The following SRGAP2C variants were observed in gnomAD, a reference collection of about 807,000 sequenced individuals.
The protein encoded by SRGAP2C is SLIT-ROBO Rho GTPase activating protein 2C, also known as SLIT-ROBO Rho GTPase-activating protein 2C.
Under a neutral mutation model 25.1 loss-of-function variants are expected in SRGAP2C, and 15 were observed. The observed-to-expected ratio is 0.60, with a 90% confidence interval of 0.40 to 0.92. The LOEUF is 0.92. Among genes scored for constraint, SRGAP2C ranks in the 40% least tolerant of loss-of-function variants. The probability of loss-of-function intolerance (pLI) is 0.00; values close to 1 mark genes in which losing one functional copy is unlikely to be tolerated. For missense variants in SRGAP2C, 144 were observed against 264.4 expected, an observed-to-expected ratio of 0.54 and a Z score of 3.16; for synonymous variants, 44 against 96.6, an observed-to-expected ratio of 0.46 and a Z score of 3.19.
Position 121,387,946 on chromosome 1 carries a change from A to G in SRGAP2C, c.*91A>G. 1 of 777,784 alleles carries G rather than the reference A, an allele frequency of 1.3e-6. No individual in the cohort carries two copies. Among genetic ancestry groups the G allele is most frequent in the Non-Finnish European group, 2.4e-6 (1 of 416,716 alleles). 48.2% of individuals were successfully genotyped at this position (777,784 alleles called of 1,614,324 possible). ...GAAGGACAGGCATTGAATATCTTAG[A>G]TACGAATGTGGGCATACTCAGAGAC... is the stretch of plus-strand genomic sequence containing the variant. On this transcript the variant is annotated 3_prime_UTR_variant, in exon 10 of 10. Transcript: ENST00000367123.
intron 3 of SRGAP2C, among the ~76,000 whole-genome samples, chr1:121,295,724 CT>C (rs1368485223): frequency 1.3e-5 from 2 of 150,468 alleles, no homozygotes; most frequent in African/African-American, 2.5e-5. Context: ...TAGAGAGGGG[CT>C]TTTTTGTTTT....
chr1:121,363,903 C>T (rs587761419), intron 4 of SRGAP2C, among the ~76,000 whole-genome samples: 1 of 151,480 alleles, frequency 6.6e-6, no homozygotes, highest in Non-Finnish European at 1.5e-5. Flanking sequence ...TTAAGAGTTA[C>T]TTTTGTTTTC....
chr1:121,372,329 T>A (rs1659517745), intron 5 of SRGAP2C, among the ~76,000 whole-genome samples: 1 of 152,080 alleles, frequency 6.6e-6, no homozygotes, highest in African/African-American at 2.4e-5. Context: ...GATAATTAAT[T>A]GTTGTGGGGG....
intron 4 of SRGAP2C, among the ~76,000 whole-genome samples, chr1:121,350,472 C>T (rs1553345418): frequency 6.6e-6 from 1 of 151,376 alleles, no homozygotes; most frequent in Non-Finnish European, 1.5e-5. Context: ...CTAAGAGAAA[C>T]AGCTAGACAC....
intron 4 of SRGAP2C, among the ~76,000 whole-genome samples, chr1:121,359,363 A>G (rs1174950669): frequency 5.0e-5 from 7 of 139,642 alleles, no homozygotes; most frequent in Admixed American, 2.3e-4. Context: ...AGAAAAGGCC[A>G]GGCACAGTCG....
intron 2 of SRGAP2C, among the ~76,000 whole-genome samples, chr1:121,272,408 AC>A (rs1231188347): frequency 2.6e-5 from 4 of 151,802 alleles, no homozygotes; most frequent in African/African-American, 9.6e-5. Context: ...CCAGGGTCAG[AC>A]TTTTCTCTGC....
chr1:121,335,649 C>T (rs1658499800), intron 4 of SRGAP2C, among the ~76,000 whole-genome samples: 1 of 150,880 alleles, frequency 6.6e-6, no homozygotes, highest in Non-Finnish European at 1.5e-5. Context: ...GATGGGGTCT[C>T]GCTGTGGTTC....
chr1:121,314,891 C>G (rs1553340419), intron 3 of SRGAP2C: 2 of 619,360 alleles, frequency 3.2e-6, no homozygotes, highest in South Asian at 1.5e-5. Context: ...AGCTGTAGAC[C>G]GGAGCTGTTC....
intron 3 of SRGAP2C, among the ~76,000 whole-genome samples, chr1:121,321,928 T>A (rs1244004327): frequency 6.6e-6 from 1 of 151,978 alleles, no homozygotes; most frequent in East Asian, 1.9e-4. Flanking sequence ...TAGCTGGCCT[T>A]TTGTTTGTAC....
At chr1:121,249,433 A>G (rs1261804104) in intron 2 of SRGAP2C, among the ~76,000 whole-genome samples, 1 of 5,834 alleles carries the variant, frequency 1.7e-4, no homozygotes, top group African/African-American at 7.1e-4. Flanking sequence ...AAAATAACAT[A>G]CAAATAAAAT....
intron 2 of SRGAP2C, among the ~76,000 whole-genome samples, chr1:121,188,318 A>G (rs1218350633): frequency 5.9e-5 from 9 of 152,370 alleles, no homozygotes; most frequent in Middle Eastern, 3.4e-3. Context: ...GTGGACTAGG[A>G]GAAACCAAGG....
chr1:121,321,176 G>C (rs1658196319), intron 3 of SRGAP2C, among the ~76,000 whole-genome samples: 1 of 141,958 alleles, frequency 7.0e-6, no homozygotes, highest in African/African-American at 2.7e-5. Flanking sequence ...CAGGGAAACT[G>C]GGTCCTGGGT....
intron 4 of SRGAP2C, among the ~76,000 whole-genome samples, chr1:121,326,543 G>C (rs1158079128): frequency 2.6e-5 from 2 of 77,676 alleles, no homozygotes; most frequent in Non-Finnish European, 5.0e-5. Context: ...GCTCAGGGTT[G>C]ACTTCCTTAA....
chr1:121,285,080 A>C (rs1657329396), intron 3 of SRGAP2C, 85 bp downstream of exon 3: 1 of 517,882 alleles, frequency 1.9e-6, no homozygotes, highest in Non-Finnish European at 3.3e-6. Flanking sequence ...ACTTAGATCC[A>C]GCTGAATTCA....
intron 2 of SRGAP2C, among the ~76,000 whole-genome samples, chr1:121,271,032 C>T (rs1358823154): frequency 6.6e-6 from 1 of 151,364 alleles, no homozygotes; most frequent in African/African-American, 2.4e-5. Flanking sequence ...CTCCTGACCT[C>T]GTGGTCTGCC....
intron 2 of SRGAP2C, among the ~76,000 whole-genome samples, chr1:121,212,437 G>T (rs1321829284): frequency 6.6e-6 from 1 of 152,056 alleles, no homozygotes; most frequent in Non-Finnish European, 1.5e-5. Flanking sequence ...GCCCAGAATG[G>T]TATTCTTAAT....
intron 3 of SRGAP2C, among the ~76,000 whole-genome samples, chr1:121,292,948 G>T (rs1657519314): frequency 1.3e-5 from 1 of 78,768 alleles, no homozygotes; most frequent in South Asian, 3.1e-4. Flanking sequence ...GTGTAGGAAA[G>T]ACCATGGCCA....
intron 2 of SRGAP2C, among the ~76,000 whole-genome samples, chr1:121,277,419 T>G (rs1657130697): frequency 6.6e-6 from 1 of 151,558 alleles, no homozygotes; most frequent in South Asian, 2.1e-4. Flanking sequence ...ATTTTATTTA[T>G]TTTATTTTTT....
chr1:121,361,580 T>G (rs1659192515), intron 4 of SRGAP2C: 1 of 138,204 alleles, frequency 7.2e-6, no homozygotes, highest in African/African-American at 2.7e-5. Flanking sequence ...TGGTAGAAGC[T>G]GTTGCAATCT....
Sources: gnomAD v4.1 joint callset for allele counts (sites outside exome capture counted in the v4.1 genomes callset) on GRCh38, gnomAD v4.1.1 for gene constraint, MANE v1.5 for transcripts, NCBI Gene and HGNC (gene_info 2026-07-23, HGNC 2026-07-21) for gene names.